FARS2: variants seen among roughly 807,000 people sequenced by gnomAD.
The protein encoded by FARS2 is phenylalanyl-tRNA synthetase 2, mitochondrial.
Under a neutral mutation model 46.4 loss-of-function variants are expected in FARS2, and 40 were observed. The ratio of observed to expected loss-of-function variants is 0.86; its 90% CI spans 0.67 to 1.12. FARS2 has a LOEUF of 1.12. Among genes scored for constraint, FARS2 ranks in the 50% most tolerant of loss-of-function variants. The pLI is 0.00. For missense variants in FARS2, 513 were observed against 567.9 expected, an observed-to-expected ratio of 0.90 and a Z score of 0.98; for synonymous variants, 234 against 214.9, an observed-to-expected ratio of 1.09 and a Z score of -0.78.
rs142225269 is a variant in FARS2, at chr6:5,620,487, A to G, written c.1217+7167A>G. 3.8e-3 allele frequency among the ~76,000 whole-genome samples: 582 copies of G among 152,302 alleles called. 2 individuals carry two copies. The highest frequency in any genetic ancestry group is 0.013 in the African/African-American group (552 of 41,566). ...TTCAAATGTAGGACAAGCTGGACAA[A>G]TTAACCAGGCTTTGGAAAGAGCAGG... On this transcript the variant is annotated intron_variant, in intron 6 of 6. Coordinates refer to ENST00000274680, the MANE Select transcript of FARS2 (RefSeq NM_006567.5).
intron 5 of FARS2, among the ~76,000 whole-genome samples, chr6:5,601,223 T>G (rs1255108337): frequency 6.6e-6 from 1 of 151,856 alleles, no homozygotes; most frequent in Non-Finnish European, 1.5e-5. Context: ...CCCTTAGTTT[T>G]AAATGGGAGG....
At chr6:5,536,449 A>G (rs1037109362) in intron 4 of FARS2, among the ~76,000 whole-genome samples, 3 of 152,128 alleles carry the variant, frequency 2.0e-5, no homozygotes, top group Admixed American at 2.0e-4. Context: ...CTTTTTTATA[A>G]GTAAGTCAAA....
chr6:5,290,342 G>C (rs1346888066), intron 1 of FARS2, among the ~76,000 whole-genome samples: 2 of 152,114 alleles, frequency 1.3e-5, no homozygotes, highest in Non-Finnish European at 2.9e-5. Flanking sequence ...CAGGTTCTGT[G>C]GACAGAAACC....
intron 5 of FARS2, among the ~76,000 whole-genome samples, chr6:5,610,641 T>A (rs1347277538): frequency 6.6e-6 from 1 of 152,226 alleles, no homozygotes; most frequent in Non-Finnish European, 1.5e-5. Context: ...CCTCAGATAC[T>A]GAGGGACGAC....
chr6:5,400,839 G>C (rs895320000), intron 2 of FARS2, among the ~76,000 whole-genome samples: 3 of 151,836 alleles, frequency 2.0e-5, no homozygotes, highest in African/African-American at 7.3e-5. Context: ...CTACACAGAG[G>C]TAATAATTGT....
At chr6:5,329,822 G>A (rs1770669799) in intron 1 of FARS2, among the ~76,000 whole-genome samples, 1 of 152,208 alleles carries the variant, frequency 6.6e-6, no homozygotes, top group Non-Finnish European at 1.5e-5. Context: ...TGCTCTCCCA[G>A]CACTTTGATG....
intron 6 of FARS2, among the ~76,000 whole-genome samples, chr6:5,745,845 A>T (rs112566772): frequency 6.6e-6 from 1 of 152,182 alleles, no homozygotes; most frequent in Non-Finnish European, 1.5e-5. Context: ...CCACCAATCA[A>T]TAGATCTTTA....
At chr6:5,707,957 A>G (rs905138667) in intron 6 of FARS2, among the ~76,000 whole-genome samples, 1 of 152,224 alleles carries the variant, frequency 6.6e-6, no homozygotes, top group African/African-American at 2.4e-5. Context: ...GGCTGTGGCA[A>G]ATATCATGGA....
intron 6 of FARS2, among the ~76,000 whole-genome samples, chr6:5,746,417 G>T (rs1195446541): frequency 6.6e-6 from 1 of 152,162 alleles, no homozygotes; most frequent in Non-Finnish European, 1.5e-5. Context: ...TTTGCACTTG[G>T]AGTGCAATCC....
intron 4 of FARS2, among the ~76,000 whole-genome samples, chr6:5,516,705 C>T (rs1768818704): frequency 6.6e-6 from 1 of 152,140 alleles, no homozygotes; most frequent in African/African-American, 2.4e-5. Flanking sequence ...CCATAGGTAT[C>T]ATGTTATAAG....
chr6:5,309,934 T>C (rs1768974328), intron 1 of FARS2, among the ~76,000 whole-genome samples: 1 of 152,300 alleles, frequency 6.6e-6, no homozygotes, highest in South Asian at 2.1e-4. Flanking sequence ...CAACTTGACT[T>C]ACTGGATGTT....
At chr6:5,381,162 G>A (rs1024279254) in intron 2 of FARS2, among the ~76,000 whole-genome samples, 3 of 151,482 alleles carry the variant, frequency 2.0e-5, no homozygotes, top group African/African-American at 4.9e-5. Context: ...CACCACACCC[G>A]GCTAATTTTT....
At chr6:5,413,219 A>T (rs1420841229) in intron 3 of FARS2, among the ~76,000 whole-genome samples, 1 of 152,198 alleles carries the variant, frequency 6.6e-6, no homozygotes, top group Non-Finnish European at 1.5e-5. Context: ...GAGCCCAGAA[A>T]CCTTCCTGAT....
chr6:5,650,829 TC>T (rs1777323435), intron 6 of FARS2, among the ~76,000 whole-genome samples: 1 of 152,196 alleles, frequency 6.6e-6, no homozygotes, highest in African/African-American at 2.4e-5. Context: ...GCCCCACGTT[TC>T]CCTGGAGAGG....
intron 4 of FARS2, among the ~76,000 whole-genome samples, chr6:5,500,824 A>C (rs1182549488): frequency 6.6e-6 from 1 of 152,108 alleles, no homozygotes; most frequent in African/African-American, 2.4e-5. Flanking sequence ...AAGGATAAGA[A>C]GAGGGTAGTT....
chr6:5,653,519 T>C (rs114811847), intron 6 of FARS2, among the ~76,000 whole-genome samples: 3,477 of 152,298 alleles, frequency 0.023, 111 homozygotes, highest in African/African-American at 0.066. Flanking sequence ...GCATTTTATT[T>C]TGAAAAGGAA....
intron 4 of FARS2, among the ~76,000 whole-genome samples, chr6:5,458,898 A>G (rs115525758): frequency 0.012 from 1,766 of 152,304 alleles, 38 homozygotes; most frequent in African/African-American, 0.039. Flanking sequence ...TGACTGTACA[A>G]ATGGTGCCAT....
At chr6:5,770,954 G>A (rs1364957289) in intron 6 of FARS2, among the ~76,000 whole-genome samples, 1 of 152,120 alleles carries the variant, frequency 6.6e-6, no homozygotes, top group Non-Finnish European at 1.5e-5. Context: ...TCGGGAACCG[G>A]GGACAGGCTT....
At chr6:5,416,877 T>G (rs1762270279) in intron 3 of FARS2, among the ~76,000 whole-genome samples, 1 of 152,264 alleles carries the variant, frequency 6.6e-6, no homozygotes, top group Admixed American at 6.5e-5. Context: ...AACAGCAGAC[T>G]TCCCTGTTTC....
Sources: allele counts gnomAD v4.1 joint callset (sites outside exome capture counted in the v4.1 genomes callset), GRCh38; gene constraint gnomAD v4.1.1; transcripts MANE v1.5; gene names NCBI Gene and HGNC (gene_info 2026-07-23, HGNC 2026-07-21).